Variants in MARCHF5 observed in about 807,000 individuals in gnomAD.
MARCHF5 encodes the protein E3 ubiquitin-protein ligase MARCHF5.
A neutral mutation model predicts 36.5 loss-of-function variants in MARCHF5; 5 were observed. The observed-to-expected ratio is 0.14, with a 90% CI of 0.07 to 0.29. The LOEUF is 0.29. Among genes scored for constraint, MARCHF5 ranks in the 10% least tolerant of loss-of-function variants. MARCHF5 has a pLI of 1.00. For synonymous variants in MARCHF5, 103 were observed against 109.9 expected (o/e 0.94, Z 0.39); for missense variants, 179 against 336.3 (o/e 0.53, Z 3.66).
chr10:92,323,156 G>C (rs1011302273), intron 2 of MARCHF5, among the ~76,000 whole-genome samples: 1 of 152,088 alleles, frequency 6.6e-6, no homozygotes, highest in Non-Finnish European at 1.5e-5. Flanking sequence ...ATCTTCCTGC[G>C]TCAGTATCCT....
chr10:92,347,980 C>T (rs548635149), intron 3 of MARCHF5, among the ~76,000 whole-genome samples: 5 of 151,612 alleles, frequency 3.3e-5, no homozygotes, highest in Non-Finnish European at 5.9e-5. Flanking sequence ...GTCAGGAGTT[C>T]GAGATCAGCC....
In MARCHF5 at chr10:92,352,731, G is replaced by C. The variant is rs1477296404; in HGVS notation, c.*1524G>C. On this transcript the variant is annotated 3_prime_UTR_variant, in exon 6 of 6. Transcript: ENST00000358935. ...TATAGTATGAATGTCTTAATTTTGAGTTATATGATGTTTATTTGAATGACT... is the reference window on the plus strand; with the variant it reads ...TATAGTATGAATGTCTTAATTTTGACTTATATGATGTTTATTTGAATGACT... The C allele has an allele frequency of 1.3e-5, 2 of 152,486 alleles. No homozygotes were observed. Among genetic ancestry groups the C allele is most frequent in the Non-Finnish European group, 2.9e-5 (2 of 68,014 alleles). The allele number at this position is 152,486 out of a possible 1,614,324, so 9.4% of individuals were successfully genotyped here.
chr10:92,320,240 A>G (rs2135194965), intron 2 of MARCHF5, among the ~76,000 whole-genome samples: 1 of 150,678 alleles, frequency 6.6e-6, no homozygotes, highest in Middle Eastern at 3.4e-3. Context: ...TATTTTTTGT[A>G]GAGACAAGGT....
At chr10:92,295,824 G>A (rs182942097) in intron 1 of MARCHF5, among the ~76,000 whole-genome samples, 10 of 151,414 alleles carry the variant, frequency 6.6e-5, no homozygotes, top group Admixed American at 3.3e-4. Context: ...ATTTGTAGGT[G>A]GAAAGAATAC....
chr10:92,323,512 A>T (rs1252031358), intron 2 of MARCHF5, among the ~76,000 whole-genome samples: 1 of 152,240 alleles, frequency 6.6e-6, no homozygotes, highest in African/African-American at 2.4e-5. Context: ...TGTATCCACC[A>T]TTATAGTATT....
chr10:92,298,694 A>C (rs1299675650), intron 1 of MARCHF5, among the ~76,000 whole-genome samples: 6 of 151,108 alleles, frequency 4.0e-5, no homozygotes, highest in Non-Finnish European at 7.4e-5. Context: ...CTCCCACCTC[A>C]CCCTCCTGAC....
intron 1 of MARCHF5, 132 bp downstream of exon 1, chr10:92,291,661 G>A (rs1050550887): frequency 1.5e-6 from 2 of 1,354,358 alleles, no homozygotes; most frequent in Non-Finnish European, 1.9e-6. Context: ...GGCCGTGAGA[G>A]GGGCAAAAAG....
At position 92,349,720 on chromosome 10, in the gene MARCHF5, A is replaced by G. The variant is rs1274298953; in HGVS notation, c.603A>G (p.Ala201=). The part of the protein sequence containing the change: ...PRIPAEANPL[A]DHVSATRILC... ...TTCCAGCTGAGGCCAATCCTTTAGC[A>G]GATCATGTCTCTGCTACTCGAATCT... The change falls in exon 5 of 6, where the codon GCA becomes GCG. Residue 201 remains alanine (A), a synonymous_variant. Transcript: ENST00000358935. 2.5e-6 allele frequency: 4 copies of G among 1,614,176 alleles called. No homozygotes were observed. In the Admixed American group the frequency reaches 5.0e-5, roughly 20 times the overall value.
At chr10:92,316,603 C>G (rs1843212631) in intron 2 of MARCHF5, among the ~76,000 whole-genome samples, 1 of 152,064 alleles carries the variant, frequency 6.6e-6, no homozygotes. Flanking sequence ...TGCTTTGTTG[C>G]CTACGCTGGA....
At position 92,304,998 on chromosome 10, in the gene MARCHF5, T is replaced by G. The variant is rs944696853; in HGVS notation, c.36-6137T>G. 2.6e-5 allele frequency among the ~76,000 whole-genome samples: 4 copies of G among 152,178 alleles called. No individual in the cohort carries two copies. In the East Asian group the frequency reaches 7.7e-4, roughly 29 times the overall value. ...TTCCCCAAATTAATTTAACCTTGTT[T>G]CCTTAGGAAAAAATACCTTAAGCAT... On this transcript the variant is annotated intron_variant, in intron 1 of 5. Transcript: ENST00000358935.
intron 2 of MARCHF5, among the ~76,000 whole-genome samples, chr10:92,328,406 T>A (rs1843393134): frequency 6.6e-6 from 1 of 151,340 alleles, no homozygotes; most frequent in Non-Finnish European, 1.5e-5. Context: ...CCTGTTTATC[T>A]CTTCTCATCC....
At chr10:92,332,411 T>C (rs1213666643) in intron 2 of MARCHF5, among the ~76,000 whole-genome samples, 1 of 152,084 alleles carries the variant, frequency 6.6e-6, no homozygotes, top group African/African-American at 2.4e-5. Flanking sequence ...TAAGCGACTT[T>C]TCTGGGGCTC....
At chr10:92,319,988 T>TTTC in intron 2 of MARCHF5, among the ~76,000 whole-genome samples, 1 of 144,228 alleles carries the variant, frequency 6.9e-6, no homozygotes. Flanking sequence ...TTTTTTTTTT[T>TTTC]TGAGACAGAG....
intron 2 of MARCHF5, among the ~76,000 whole-genome samples, chr10:92,323,903 T>C (rs1001402052): frequency 6.6e-6 from 1 of 152,244 alleles, no homozygotes; most frequent in Non-Finnish European, 1.5e-5. Context: ...TTTCAACTCA[T>C]TGGGGTAAAT....
chr10:92,307,946 T>C (rs1305085797), intron 1 of MARCHF5, among the ~76,000 whole-genome samples: 5 of 139,060 alleles, frequency 3.6e-5, no homozygotes, highest in South Asian at 2.2e-4. Context: ...CTTCCCCCCT[T>C]TTTTTTTTTT....
intron 1 of MARCHF5, among the ~76,000 whole-genome samples, chr10:92,293,988 AC>A (rs1842921691): frequency 6.6e-6 from 1 of 152,178 alleles, no homozygotes; most frequent in Non-Finnish European, 1.5e-5. Context: ...TTGGCAACCT[AC>A]TTCCATGTTA....
rs1590664765 is a variant in MARCHF5 at position 92,337,731 on chromosome 10, C to T, written c.239-2942C>T. 2.0e-5 allele frequency among the ~76,000 whole-genome samples: 3 copies of T among 151,694 alleles called. No individual in the cohort carries two copies. In the East Asian group the frequency reaches 5.8e-4, roughly 29 times the overall value. Reference sequence around the variant, plus strand: ...TATGTAGGATAGTGGGAGATAATTGCTGGAGCTGTGGCCTTGAGTTGGTGA... The same window carrying T: ...TATGTAGGATAGTGGGAGATAATTGTTGGAGCTGTGGCCTTGAGTTGGTGA... On this transcript the variant is annotated intron_variant, in intron 2 of 5. Transcript: ENST00000358935.
At chr10:92,324,614 C>CT (rs1843332632) in intron 2 of MARCHF5, among the ~76,000 whole-genome samples, 1 of 152,196 alleles carries the variant, frequency 6.6e-6, no homozygotes, top group African/African-American at 2.4e-5. Flanking sequence ...CACCCGGCCT[C>CT]TCATTTTCTA....
chr10:92,300,300 A>T (rs952650837), intron 1 of MARCHF5, among the ~76,000 whole-genome samples: 11 of 151,736 alleles, frequency 7.2e-5, no homozygotes, highest in Admixed American at 5.9e-4. Flanking sequence ...GGCAACATGG[A>T]GAAACCCTGT....
Sources: allele counts gnomAD v4.1 joint callset (sites outside exome capture counted in the v4.1 genomes callset), GRCh38; gene constraint gnomAD v4.1.1; transcripts MANE v1.5; gene names NCBI Gene and HGNC (gene_info 2026-07-23, HGNC 2026-07-21).